Variants in STRBP observed in about 807,000 individuals in gnomAD.
The protein encoded by STRBP is spermatid perinuclear RNA binding protein.
A neutral mutation model predicts 80.1 loss-of-function variants in STRBP; 13 were observed. The observed-to-expected ratio is 0.16, with a 90% CI of 0.11 to 0.26. STRBP has a LOEUF of 0.26. Among genes scored for constraint, STRBP ranks in the 10% least tolerant of loss-of-function variants. The pLI is 1.00. For missense variants in STRBP, 485 were observed against 815.2 expected, an observed-to-expected ratio of 0.59 and a Z score of 4.93; for synonymous variants, 284 against 291.2, an observed-to-expected ratio of 0.98 and a Z score of 0.25.
chr9:123,123,858 A>G lies in STRBP; in HGVS notation c.*1739T>C. 1.0e-6 allele frequency: 1 copy of G among 985,438 alleles called. No homozygotes were observed. The highest frequency in any genetic ancestry group is 1.2e-6 in the Non-Finnish European group (1 of 829,926). 61.0% of individuals were successfully genotyped at this position (985,438 alleles called of 1,614,324 possible). On this transcript the variant is annotated 3_prime_UTR_variant, in exon 19 of 19. Transcript: ENST00000348403. ...TCAGTGATGGCTCTGTTTCATCCAT[A>G]GGTCAGCAAAACGCATCAATGAAAC...
At chr9:123,256,705 A>G (rs1304648107) in intron 1 of STRBP, among the ~76,000 whole-genome samples, 1 of 152,180 alleles carries the variant, frequency 6.6e-6, no homozygotes, top group Admixed American at 6.5e-5. Flanking sequence ...AATCCTAGAC[A>G]GAACACCATT....
intron 3 of STRBP, chr9:123,114,918 C>G (rs976502303): frequency 1.3e-5 from 4 of 315,820 alleles, no homozygotes; most frequent in Non-Finnish European, 2.6e-5. Flanking sequence ...GCCTCTCCAT[C>G]CCTCTGCTGC....
At chr9:123,214,569 T>C (rs1271481109) in intron 2 of STRBP, among the ~76,000 whole-genome samples, 9 of 152,174 alleles carry the variant, frequency 5.9e-5, no homozygotes, top group Non-Finnish European at 1.0e-4. Flanking sequence ...CTGGGACTCC[T>C]CATGACTCAT....
chr9:123,111,714 T>G, intron 3 of STRBP: 1 of 415,496 alleles, frequency 2.4e-6, no homozygotes, highest in Non-Finnish European at 4.9e-6. Flanking sequence ...CCAGTGTCCA[T>G]CTGTGCCGGC....
At position 123,180,899 on chromosome 9, in the gene STRBP, T is replaced by C. The variant is rs1444387198; in HGVS notation, c.4-1672A>G. 4.1e-6 allele frequency: 4 copies of C among 982,200 alleles called. No individual in the cohort carries two copies. In the African/African-American group the frequency reaches 7.0e-5, roughly 17 times the overall value. The allele number at this position is 982,200 out of a possible 1,614,324, so 60.8% of individuals were successfully genotyped here. A position where few individuals can be genotyped will look rare whatever the true frequency, so the allele number is the denominator to read the frequency against. Reference sequence around the variant, plus strand: ...TTATATGTTAGTACATGGTAAATATTTTGTTTTGAAGTCCATCGCAAACTA... The same window carrying C: ...TTATATGTTAGTACATGGTAAATATCTTGTTTTGAAGTCCATCGCAAACTA... On this transcript the variant is annotated intron_variant, in intron 3 of 18. Coordinates refer to ENST00000348403, the MANE Select transcript of STRBP (RefSeq NM_018387.5).
intron 2 of STRBP, among the ~76,000 whole-genome samples, chr9:123,222,819 T>C (rs1322194662): frequency 6.6e-6 from 1 of 152,172 alleles, no homozygotes; most frequent in African/African-American, 2.4e-5. Context: ...GGAATCACAA[T>C]CTACTTTTAC....
intron 2 of STRBP, among the ~76,000 whole-genome samples, chr9:123,210,170 T>C (rs1211957492): frequency 6.6e-6 from 1 of 152,170 alleles, no homozygotes; most frequent in African/African-American, 2.4e-5. Context: ...AGCCTTTAAA[T>C]AAGTGTCAAC....
downstream of STRBP, among the ~76,000 whole-genome samples, chr9:123,118,048 G>T (rs1002748191): frequency 2.6e-5 from 4 of 152,190 alleles, no homozygotes; most frequent in Admixed American, 6.5e-5. Flanking sequence ...TACCAGCAGA[G>T]CCCATCCTGT....
chr9:123,193,158 GC>G (rs1169436346), intron 2 of STRBP, among the ~76,000 whole-genome samples: 1 of 152,058 alleles, frequency 6.6e-6, no homozygotes, highest in Non-Finnish European at 1.5e-5. Context: ...GAGCCATCCA[GC>G]ACTTTTTCAG....
chr9:123,197,336 T>C (rs1432646321), intron 2 of STRBP, among the ~76,000 whole-genome samples: 1 of 152,174 alleles, frequency 6.6e-6, no homozygotes, highest in Non-Finnish European at 1.5e-5. Context: ...AACAGGGTGA[T>C]TACAGTCAGT....
intron 18 of STRBP, among the ~76,000 whole-genome samples, chr9:123,127,032 G>A (rs1370547299): frequency 6.6e-6 from 1 of 152,214 alleles, no homozygotes; most frequent in African/African-American, 2.4e-5. Context: ...ACCCGAGTGT[G>A]CCAGAGGATA....
intron 1 of STRBP, among the ~76,000 whole-genome samples, chr9:123,260,971 T>C (rs2041148942): frequency 6.6e-6 from 1 of 152,206 alleles, no homozygotes; most frequent in South Asian, 2.1e-4. Context: ...TTCCAAACAA[T>C]TTTCTTATCT....
intron 17 of STRBP, among the ~76,000 whole-genome samples, chr9:123,129,275 T>G (rs1194283181): frequency 6.6e-6 from 1 of 152,146 alleles, no homozygotes; most frequent in African/African-American, 2.4e-5. Context: ...GAGGATCACT[T>G]GAGCCCAGGA....
chr9:123,123,197 G>A lies in STRBP; in HGVS notation c.*2400C>T, dbSNP rs1415605875. ...CGCTCAGAGGCTGGCAATAGGGGCT[G>A]TCAATGAAAAAACCACCTACAGTGG... On this transcript the variant is annotated 3_prime_UTR_variant, in exon 19 of 19. Transcript: ENST00000348403. 2 of 985,264 alleles carry A rather than the reference G, an allele frequency of 2.0e-6. No homozygotes were observed. Among genetic ancestry groups the A allele is most frequent in the Non-Finnish European group, 2.4e-6 (2 of 829,936 alleles). The allele number at this position is 985,264 out of a possible 1,614,324, so 61.0% of individuals were successfully genotyped here. A position where few individuals can be genotyped will look rare whatever the true frequency, so the allele number is the denominator to read the frequency against.
At chr9:123,170,102 G>GAA in intron 5 of STRBP, 56 bp from the exon 6 acceptor site, 10 of 1,467,484 alleles carry the variant, frequency 6.8e-6, no homozygotes, top group Admixed American at 2.3e-5. Flanking sequence ...AACCTCAAAA[G>GAA]AAAAAAAAAC....
At chr9:123,203,868 A>C (rs2039417943) in intron 2 of STRBP, among the ~76,000 whole-genome samples, 1 of 152,128 alleles carries the variant, frequency 6.6e-6, no homozygotes, top group Non-Finnish European at 1.5e-5. Flanking sequence ...GCTACTCGGG[A>C]GTCTGAGGCA....
At chr9:123,157,316 TCTC>T (rs2037331561) in intron 11 of STRBP, among the ~76,000 whole-genome samples, 2 of 152,206 alleles carry the variant, frequency 1.3e-5, no homozygotes, top group African/African-American at 4.8e-5. Context: ...AGTGATAACG[TCTC>T]CTCCTAGCTT....
At chr9:123,161,948 C>T (rs1055290974) in intron 6 of STRBP, among the ~76,000 whole-genome samples, 18 of 152,278 alleles carry the variant, frequency 1.2e-4, no homozygotes, top group Admixed American at 1.3e-4. Context: ...CATAAATGCA[C>T]ACAATATGCA....
At chr9:123,113,051 T>G (rs1165918576) in intron 3 of STRBP, 1 of 167,152 alleles carries the variant, frequency 6.0e-6, no homozygotes, top group Non-Finnish European at 1.5e-5. Flanking sequence ...GGGTGCTCAC[T>G]GACTATAAGC....
Sources: allele counts gnomAD v4.1 joint callset (sites outside exome capture counted in the v4.1 genomes callset), GRCh38; gene constraint gnomAD v4.1.1; transcripts MANE v1.5; gene names NCBI Gene and HGNC (gene_info 2026-07-23, HGNC 2026-07-21).